RIMKLA: variants seen among roughly 807,000 people sequenced by gnomAD.
RIMKLA encodes ribosomal modification protein rimK like family member A, also known as N-acetylaspartylglutamate synthase A.
A neutral mutation model predicts 32.7 loss-of-function variants in RIMKLA; 14 were observed. The ratio of observed to expected loss-of-function variants is 0.43; its 90% CI spans 0.28 to 0.67. The LOEUF (loss-of-function observed/expected upper bound fraction) is 0.67, where lower values mean the gene tolerates loss of function less well. RIMKLA is among the 30% of genes least tolerant of loss of function. The probability of loss-of-function intolerance (pLI) is 0.18; values close to 1 mark genes in which losing one functional copy is unlikely to be tolerated. For missense variants in RIMKLA, 410 were observed against 519.0 expected (o/e 0.79, Z 2.04); for synonymous variants, 176 against 204.1 (o/e 0.86, Z 1.18).
intron 2 of RIMKLA, among the ~76,000 whole-genome samples, chr1:42,404,049 T>TA (rs929243078): frequency 3.3e-5 from 5 of 152,126 alleles, no homozygotes; most frequent in African/African-American, 1.2e-4. Context: ...ATTTTTTTTT[T>TA]AGAGACTCAT....
At chr1:42,395,224 G>A (rs919833729) in intron 1 of RIMKLA, among the ~76,000 whole-genome samples, 3 of 152,142 alleles carry the variant, frequency 2.0e-5, no homozygotes, top group Admixed American at 6.5e-5. Flanking sequence ...TTAGAACATA[G>A]AGAAAATATT....
rs776422681 is a variant in RIMKLA at position 42,414,936 on chromosome 1, AT to A, written c.1140del (p.Asn381ThrfsTer8). 1 of 1,613,572 alleles carries A rather than the reference AT, an allele frequency of 6.2e-7. No individual in the cohort carries two copies. On this transcript the variant is annotated frameshift_variant, in exon 5 of 5. Coordinates refer to ENST00000431473, the MANE Select transcript of RIMKLA (RefSeq NM_173642.4). LOFTEE classifies it high-confidence loss of function. ...PSMLPEPGYN[I>X]NNRIASELKL... ...CATGCTGCCCGAACCTGGCTACAACATTAACAACAGGATTGCTTCTGAGTTA... is the reference window on the plus strand; with the variant it reads ...CATGCTGCCCGAACCTGGCTACAACATAACAACAGGATTGCTTCTGAGTTA...
chr1:42,399,273 A>C (rs1224430848), intron 1 of RIMKLA, 131 bp from the exon 2 acceptor site: 1 of 634,022 alleles, frequency 1.6e-6, no homozygotes, highest in Non-Finnish European at 2.8e-6. Flanking sequence ...CTTGTACACC[A>C]GGATGTCCAG....
At chr1:42,408,482 C>T (rs569701859) in intron 3 of RIMKLA, among the ~76,000 whole-genome samples, 5 of 152,272 alleles carry the variant, frequency 3.3e-5, no homozygotes, top group East Asian at 1.9e-4. Flanking sequence ...TTCAATGGCG[C>T]GATCTTGGCT....
intron 3 of RIMKLA, among the ~76,000 whole-genome samples, chr1:42,409,523 T>C (rs1008040221): frequency 6.6e-6 from 1 of 152,224 alleles, no homozygotes; most frequent in Admixed American, 6.5e-5. Context: ...CTCTAAAGTA[T>C]TTTCAACAAA....
At chr1:42,403,775 C>T (rs1249790687) in intron 2 of RIMKLA, among the ~76,000 whole-genome samples, 1 of 152,210 alleles carries the variant, frequency 6.6e-6, no homozygotes, top group Non-Finnish European at 1.5e-5. Flanking sequence ...GCTGGGTTCT[C>T]TGGTTAGGTG....
At chr1:42,404,475 G>A (rs748952376) in intron 2 of RIMKLA, 36 bp from the exon 3 acceptor site, 3 of 1,452,064 alleles carry the variant, frequency 2.1e-6, no homozygotes, top group Non-Finnish European at 2.9e-6. Flanking sequence ...CTGACTATCA[G>A]CCTTACCTTC....
chr1:42,393,093 C>T (rs1019009338), intron 1 of RIMKLA, among the ~76,000 whole-genome samples: 5 of 152,200 alleles, frequency 3.3e-5, no homozygotes, highest in Admixed American at 3.3e-4. Flanking sequence ...GGATTCAGCT[C>T]TGGTTGCTGA....
rs548757048 is a variant in RIMKLA at position 42,381,630 on chromosome 1, T to C, written c.163+533T>C. 3.9e-5 allele frequency among the ~76,000 whole-genome samples: 6 copies of C among 152,024 alleles called. No homozygotes were observed. The South Asian group carries it at 1.3e-3, about 32-fold the overall frequency. On this transcript the variant is annotated intron_variant, in intron 1 of 4. Transcript: ENST00000431473. ...AGAAAGATTGGAGTCACTTCTCGAG[T>C]GTAAAGTGGGAGTGTAGACCTTTGA...
At chr1:42,397,008 A>T (rs1386470491) in intron 1 of RIMKLA, among the ~76,000 whole-genome samples, 1 of 146,228 alleles carries the variant, frequency 6.8e-6, no homozygotes, top group Non-Finnish European at 1.5e-5. Context: ...TTTTCAAAGA[A>T]CAGTAAAAGC....
At chr1:42,391,686 A>G (rs1038811307) in intron 1 of RIMKLA, among the ~76,000 whole-genome samples, 1 of 152,124 alleles carries the variant, frequency 6.6e-6, no homozygotes, top group African/African-American at 2.4e-5. Flanking sequence ...TCAGAGCTAT[A>G]TGGGGTATAC....
intron 2 of RIMKLA, 25 bp downstream of exon 2, chr1:42,399,659 C>T: frequency 1.4e-6 from 2 of 1,385,470 alleles, no homozygotes; most frequent in Non-Finnish European, 2.0e-6. Context: ...AATAGCTTCC[C>T]AAATCATGTG....
chr1:42,424,208 C>T lies in RIMKLA; in HGVS notation c.*9234C>T, dbSNP rs924021568. On this transcript the variant is annotated 3_prime_UTR_variant, in exon 5 of 5. Coordinates refer to ENST00000431473, the MANE Select transcript of RIMKLA (RefSeq NM_173642.4). ...TGTGTCCTTGTTTTTAGAAAATACA[C>T]ATTAAATATCGAGGGATAGAGGTAC... 1.3e-5 allele frequency among the ~76,000 whole-genome samples: 2 copies of T among 152,168 alleles called. No homozygotes were observed. The highest frequency in any genetic ancestry group is 4.8e-5 in the African/African-American group (2 of 41,438).
In RIMKLA at chr1:42,423,748, C is replaced by T. The variant is rs1643314464; in HGVS notation, c.*8774C>T. ...GACTCTCCCAGCTTCATGCTGCTGG[C>T]ACCCACTTGTCTATCACGCTGGTAT... On this transcript the variant is annotated 3_prime_UTR_variant, in exon 5 of 5. Transcript: ENST00000431473. Among the ~76,000 whole-genome samples the T allele has an allele frequency of 6.6e-6, 1 of 152,226 alleles. No individual in the cohort carries two copies. Among genetic ancestry groups the T allele is most frequent in the Non-Finnish European group, 1.5e-5 (1 of 68,040 alleles).
rs1021051480 is a variant in RIMKLA, at chr1:42,421,701, A to G, written c.*6727A>G. The G allele has an allele frequency of 2.6e-5, 4 of 152,338 alleles. No homozygotes were observed. In the South Asian group the frequency reaches 8.3e-4, roughly 32 times the overall value. 9.4% of individuals were successfully genotyped at this position (152,338 alleles called of 1,614,324 possible). On this transcript the variant is annotated 3_prime_UTR_variant, in exon 5 of 5. Coordinates refer to ENST00000431473, the MANE Select transcript of RIMKLA (RefSeq NM_173642.4). The surrounding 1 kb of genome is among the most constrained non-coding windows in gnomAD (Gnocchi z 4.6). ...CCAGTGGTGTGCCGAAGTGGTTTGC[A>G]CTGGCCCATGAGAGTGGATTGTTGA...
At chr1:42,383,755 G>T (rs1197508913) in intron 1 of RIMKLA, among the ~76,000 whole-genome samples, 1 of 152,162 alleles carries the variant, frequency 6.6e-6, no homozygotes, top group African/African-American at 2.4e-5. Context: ...GAAAGGTGAA[G>T]TGACTTCCTC....
At chr1:42,396,089 A>G (rs1384038302) in intron 1 of RIMKLA, among the ~76,000 whole-genome samples, 5 of 151,992 alleles carry the variant, frequency 3.3e-5, no homozygotes, top group Non-Finnish European at 7.4e-5. Context: ...AAAAAAAATT[A>G]GCCGGGCATG....
At chr1:42,398,897 G>A (rs1643070149) in intron 1 of RIMKLA, among the ~76,000 whole-genome samples, 1 of 149,672 alleles carries the variant, frequency 6.7e-6, no homozygotes, top group African/African-American at 2.5e-5. Flanking sequence ...AGCCTGGGAG[G>A]CAGAGGTCGC....
At chr1:42,404,065 T>G (rs1351915233) in intron 2 of RIMKLA, among the ~76,000 whole-genome samples, 2 of 152,190 alleles carry the variant, frequency 1.3e-5, no homozygotes, top group Admixed American at 6.5e-5. Context: ...CTCATCTGAT[T>G]AGGTCAGGCT....
Sources: allele counts gnomAD v4.1 joint callset (sites outside exome capture counted in the v4.1 genomes callset), GRCh38; gene constraint gnomAD v4.1.1; non-coding constraint Gnocchi (gnomAD v3.1); transcripts MANE v1.5; gene names NCBI Gene and HGNC (gene_info 2026-07-23, HGNC 2026-07-21).